Variants in PHF21B observed in about 807,000 individuals in gnomAD.
The protein encoded by PHF21B is PHD finger protein 4.
Under a neutral mutation model 62.2 loss-of-function variants are expected in PHF21B, and 22 were observed. The observed-to-expected ratio is 0.35, with a 90% CI of 0.25 to 0.51. The LOEUF is 0.51. Among genes scored for constraint, PHF21B ranks in the 20% least tolerant of loss-of-function variants. PHF21B has a pLI of 0.97. For missense variants in PHF21B, 701 were observed against 707.9 expected, an observed-to-expected ratio of 0.99 and a Z score of 0.11; for synonymous variants, 341 against 314.7, an observed-to-expected ratio of 1.08 and a Z score of -0.88.
intron 2 of PHF21B, among the ~76,000 whole-genome samples, chr22:44,973,761 G>A (rs933341975): frequency 6.6e-6 from 1 of 152,010 alleles, no homozygotes; most frequent in African/African-American, 2.4e-5. Context: ...CAGTGTAAGG[G>A]TGGGGTCGCC....
chr22:44,951,287 C>G (rs2072189266), intron 2 of PHF21B, among the ~76,000 whole-genome samples: 1 of 152,218 alleles, frequency 6.6e-6, no homozygotes, highest in Non-Finnish European at 1.5e-5. Flanking sequence ...AGTGCACAGC[C>G]TAGATCCCTT....
intron 2 of PHF21B, among the ~76,000 whole-genome samples, chr22:44,926,855 C>T (rs1024172631): frequency 3.3e-5 from 5 of 152,062 alleles, no homozygotes; most frequent in Non-Finnish European, 7.4e-5. Flanking sequence ...CGGGAGTGAC[C>T]GTGTATCTGT....
At chr22:45,006,386 C>A (rs1425001020) in intron 2 of PHF21B, among the ~76,000 whole-genome samples, 1 of 152,196 alleles carries the variant, frequency 6.6e-6, no homozygotes, top group South Asian at 2.1e-4. Flanking sequence ...CACTCACACA[C>A]ACAAAAAGAT....
chr22:44,927,239 C>A (rs778511663), intron 2 of PHF21B, among the ~76,000 whole-genome samples: 3 of 152,128 alleles, frequency 2.0e-5, no homozygotes, highest in Non-Finnish European at 1.5e-5. Flanking sequence ...AACGTCCACA[C>A]CCGCAGGAGG....
chr22:44,981,170 A>G (rs893738029), intron 2 of PHF21B, among the ~76,000 whole-genome samples: 3 of 152,154 alleles, frequency 2.0e-5, no homozygotes, highest in Admixed American at 6.5e-5. Context: ...ATCAGGTTGG[A>G]GAAAGAGGGA....
chr22:44,911,643 C>T (rs1272907568), intron 5 of PHF21B, among the ~76,000 whole-genome samples: 1 of 152,186 alleles, frequency 6.6e-6, no homozygotes, highest in Admixed American at 6.5e-5. Flanking sequence ...GGAACCTCTG[C>T]CTAGATTTCA....
Position 44,882,875 on chromosome 22 carries a change from T to A in PHF21B, c.*211A>T, listed in dbSNP as rs189322342. 113 of 572,736 alleles carry A rather than the reference T, an allele frequency of 2.0e-4. No individual in the cohort carries two copies. The African/African-American group carries it at 2.0e-3, about 10-fold the overall frequency. 35.5% of individuals were successfully genotyped at this position (572,736 alleles called of 1,614,324 possible). ...TGTCGTACCCCACCTGGCTCCTAGG[T>A]ACCCCCTGTGAATTTGGAGGGCACA... On this transcript the variant is annotated 3_prime_UTR_variant, in exon 13 of 13. Coordinates refer to ENST00000313237, the MANE Select transcript of PHF21B (RefSeq NM_138415.5).
chr22:44,924,908 G>A (rs1601604754), intron 2 of PHF21B, among the ~76,000 whole-genome samples: 1 of 152,126 alleles, frequency 6.6e-6, no homozygotes, highest in African/African-American at 2.4e-5. Flanking sequence ...CAACCCAAAC[G>A]CTCACCAACA....
intron 5 of PHF21B, among the ~76,000 whole-genome samples, chr22:44,909,041 G>A (rs1487570558): frequency 2.0e-5 from 3 of 152,016 alleles, no homozygotes; most frequent in Non-Finnish European, 4.4e-5. Context: ...CAGATGACCC[G>A]CCCACCTTGG....
At chr22:44,906,325 G>T (rs1372326316) in intron 5 of PHF21B, among the ~76,000 whole-genome samples, 1 of 152,212 alleles carries the variant, frequency 6.6e-6, no homozygotes, top group African/African-American at 2.4e-5. Context: ...AAGATCATTT[G>T]CAGGGCGAAT....
At chr22:44,885,221 A>T (rs546280786) in intron 12 of PHF21B, among the ~76,000 whole-genome samples, 1 of 126,622 alleles carries the variant, frequency 7.9e-6, no homozygotes, top group Non-Finnish European at 1.8e-5. Context: ...GCCCCGGTGC[A>T]CACCTGCAGG....
At chr22:44,954,528 C>T (rs530336837) in intron 2 of PHF21B, among the ~76,000 whole-genome samples, 15 of 152,376 alleles carry the variant, frequency 9.8e-5, no homozygotes, top group Middle Eastern at 3.4e-3. Flanking sequence ...GCCGAGCCAG[C>T]GTGTGCAACA....
intron 2 of PHF21B, among the ~76,000 whole-genome samples, chr22:44,982,431 A>C (rs2072860054): frequency 6.6e-6 from 1 of 152,168 alleles, no homozygotes; most frequent in Admixed American, 6.5e-5. Flanking sequence ...ACAGATGAGA[A>C]ACCTGGGGCT....
intron 2 of PHF21B, among the ~76,000 whole-genome samples, chr22:44,943,122 C>T (rs2071994296): frequency 1.3e-5 from 2 of 152,108 alleles, no homozygotes; most frequent in African/African-American, 4.8e-5. Context: ...GCCCATGATG[C>T]CCTCCACGCT....
chr22:44,939,023 G>A (rs542851889), intron 2 of PHF21B, among the ~76,000 whole-genome samples: 11 of 152,334 alleles, frequency 7.2e-5, no homozygotes, highest in African/African-American at 2.6e-4. Flanking sequence ...GCACACACAC[G>A]GCGCCTCCAG....
intron 2 of PHF21B, among the ~76,000 whole-genome samples, chr22:45,000,250 G>A (rs2073190690): frequency 1.3e-5 from 2 of 152,170 alleles, no homozygotes; most frequent in African/African-American, 4.8e-5. Context: ...GGGCCTCCAA[G>A]GCTGGGCCAC....
chr22:44,891,739 T>C (rs992920812), intron 7 of PHF21B, among the ~76,000 whole-genome samples: 1 of 152,204 alleles, frequency 6.6e-6, no homozygotes, highest in African/African-American at 2.4e-5. Flanking sequence ...GGTGGAAAAA[T>C]GGGTGTTATA....
intron 2 of PHF21B, among the ~76,000 whole-genome samples, chr22:44,986,198 C>T (rs1446965196): frequency 2.0e-5 from 3 of 151,854 alleles, no homozygotes; most frequent in East Asian, 1.9e-4. Flanking sequence ...GCAGCATCAC[C>T]GCCACTACCA....
intron 2 of PHF21B, among the ~76,000 whole-genome samples, chr22:44,958,372 G>A (rs2072345310): frequency 6.6e-6 from 1 of 152,144 alleles, no homozygotes; most frequent in Non-Finnish European, 1.5e-5. Context: ...TGTTAGTTGT[G>A]CTGAGAACTC....
Sources: allele counts gnomAD v4.1 joint callset (sites outside exome capture counted in the v4.1 genomes callset), GRCh38; gene constraint gnomAD v4.1.1; transcripts MANE v1.5; gene names NCBI Gene and HGNC (gene_info 2026-07-23, HGNC 2026-07-21).